Variants in UNC5C observed in about 807,000 individuals in gnomAD.
UNC5C encodes unc-5 netrin receptor C, also known as netrin receptor UNC5C.
UNC5C carries 47 observed loss-of-function variants against 99.8 expected under a neutral mutation model. The ratio of observed to expected loss-of-function variants is 0.47; its 90% CI spans 0.37 to 0.60. The LOEUF is 0.60. Among genes scored for constraint, UNC5C ranks in the 20% least tolerant of loss-of-function variants. The probability of loss-of-function intolerance (pLI) is 0.00; values close to 1 mark genes in which losing one functional copy is unlikely to be tolerated. For synonymous variants in UNC5C, 487 were observed against 452.2 expected (o/e 1.08, Z -0.98); for missense variants, 1,062 against 1,165.9 (o/e 0.91, Z 1.30).
intron 1 of UNC5C, among the ~76,000 whole-genome samples, chr4:95,474,547 CA>C (rs1363069043): frequency 2.0e-5 from 3 of 152,076 alleles, no homozygotes; most frequent in Non-Finnish European, 4.4e-5. Context: ...CTCGGCCTCC[CA>C]AAGTGCTAGG....
chr4:95,411,573 C>G (rs919872214), intron 1 of UNC5C, among the ~76,000 whole-genome samples: 2 of 152,064 alleles, frequency 1.3e-5, no homozygotes, highest in Non-Finnish European at 2.9e-5. Flanking sequence ...TGTATCCAAC[C>G]GTAAATCTGC....
intron 2 of UNC5C, among the ~76,000 whole-genome samples, chr4:95,332,247 G>C (rs567476849): frequency 0.038 from 5,760 of 151,716 alleles, 153 homozygotes; most frequent in Non-Finnish European, 0.056. Context: ...AACCAAAAAA[G>C]AGCCCGCATC....
intron 1 of UNC5C, among the ~76,000 whole-genome samples, chr4:95,450,643 G>A (rs568008276): frequency 7.2e-5 from 11 of 152,136 alleles, no homozygotes; most frequent in Non-Finnish European, 1.3e-4. Context: ...TCTATTATTA[G>A]TAATGCTGCT....
chr4:95,333,411 G>A (rs1743201615), intron 2 of UNC5C, among the ~76,000 whole-genome samples: 1 of 152,128 alleles, frequency 6.6e-6, no homozygotes, highest in South Asian at 2.1e-4. Flanking sequence ...ATGAGTTCAT[G>A]TCATTTGTAG....
At chr4:95,171,794 G>A (rs1579194540) in intron 14 of UNC5C, among the ~76,000 whole-genome samples, 1 of 151,886 alleles carries the variant, frequency 6.6e-6, no homozygotes, top group East Asian at 2.0e-4. Context: ...TCTAGTTCTA[G>A]ATCCCTGAGG....
chr4:95,433,261 G>A (rs1746682479), intron 1 of UNC5C, among the ~76,000 whole-genome samples: 2 of 152,072 alleles, frequency 1.3e-5, no homozygotes, highest in African/African-American at 2.4e-5. Context: ...TTAAAGTGAT[G>A]AGATATGCTT....
intron 1 of UNC5C, among the ~76,000 whole-genome samples, chr4:95,464,824 T>C (rs935226206): frequency 1.3e-5 from 2 of 152,218 alleles, no homozygotes; most frequent in Admixed American, 1.3e-4. Flanking sequence ...TTTGAAACTT[T>C]ATGAAAAATC....
chr4:95,395,464 G>T (rs1579381591), intron 1 of UNC5C, among the ~76,000 whole-genome samples: 1 of 152,216 alleles, frequency 6.6e-6, no homozygotes, highest in South Asian at 2.1e-4. Flanking sequence ...ATTTGTCCAG[G>T]TTAAATCTAT....
chr4:95,332,280 A>G (rs1201162211), intron 2 of UNC5C, among the ~76,000 whole-genome samples: 1 of 151,282 alleles, frequency 6.6e-6, no homozygotes, highest in Non-Finnish European at 1.5e-5. Flanking sequence ...CTAAGCCAAA[A>G]GAACAAAGCT....
rs1445251840 is a variant in UNC5C at position 95,404,920 on chromosome 4, CAGTTGAAGAGG to C, written c.125-69300_125-69290del. Among the ~76,000 whole-genome samples, 15 of 152,202 alleles carry C rather than the reference CAGTTGAAGAGG, an allele frequency of 9.9e-5. No homozygotes were observed. In the East Asian group the frequency reaches 2.5e-3, roughly 26 times the overall value. Reference sequence around the variant, plus strand: ...ACGCCGAGAGGAGTCTGGCTGGGGGCAGTTGAAGAGGAGTTTAGCCAGTGGGAGGCCCGACT... The same window carrying C: ...ACGCCGAGAGGAGTCTGGCTGGGGGCAGTTTAGCCAGTGGGAGGCCCGACT... On this transcript the variant is annotated intron_variant, in intron 1 of 15. Transcript: ENST00000453304.
intron 1 of UNC5C, among the ~76,000 whole-genome samples, chr4:95,477,167 T>C (rs752469935): frequency 2.0e-4 from 30 of 152,090 alleles, no homozygotes; most frequent in Non-Finnish European, 4.1e-4. Flanking sequence ...AGATTTTGCC[T>C]ACTGGCTATG....
intron 1 of UNC5C, among the ~76,000 whole-genome samples, chr4:95,469,899 GT>G (rs1747915273): frequency 1.3e-5 from 2 of 152,134 alleles, no homozygotes; most frequent in African/African-American, 2.4e-5. Context: ...ATCAAAGAGT[GT>G]TTTTAGTGGA....
rs544721361 is a variant in UNC5C, at chr4:95,437,962, C to T, written c.125-102331G>A. ...AAGGCAGAGCTGCAGGTAAACTTTG[C>T]ACATTCATGCTTCTAAATTCATTAA... On this transcript the variant is annotated intron_variant, in intron 1 of 15. Coordinates refer to ENST00000453304, the MANE Select transcript of UNC5C (RefSeq NM_003728.4). Among the ~76,000 whole-genome samples the T allele has an allele frequency of 7.2e-5, 11 of 152,178 alleles. No homozygotes were observed. The South Asian group carries it at 2.3e-3, about 32-fold the overall frequency.
chr4:95,345,193 A>G (rs966150606), intron 1 of UNC5C, among the ~76,000 whole-genome samples: 1 of 152,060 alleles, frequency 6.6e-6, no homozygotes, highest in Non-Finnish European at 1.5e-5. Context: ...AAACCAAAAA[A>G]GAGCAGGAAT....
intron 1 of UNC5C, among the ~76,000 whole-genome samples, chr4:95,382,982 C>A (rs10461172): frequency 2.0e-5 from 3 of 151,964 alleles, no homozygotes; most frequent in Non-Finnish European, 4.4e-5. Flanking sequence ...TTAACTTAAC[C>A]GCAGATACAC....
At chr4:95,285,709 C>T (rs10032274) in intron 3 of UNC5C, among the ~76,000 whole-genome samples, 100,151 of 152,046 alleles carry the variant, frequency 0.66, 33,953 homozygotes, top group African/African-American at 0.83. Context: ...GATTAAAACC[C>T]AGCATTAAAA....
chr4:95,281,993 A>G (rs1741076092), intron 3 of UNC5C, among the ~76,000 whole-genome samples: 1 of 152,184 alleles, frequency 6.6e-6, no homozygotes, highest in Admixed American at 6.5e-5. Flanking sequence ...ATGTCCCCTA[A>G]GGGGAAAAGT....
chr4:95,525,248 T>C (rs1722466614), intron 1 of UNC5C, among the ~76,000 whole-genome samples: 1 of 152,172 alleles, frequency 6.6e-6, no homozygotes, highest in Non-Finnish European at 1.5e-5. Flanking sequence ...TCAAGTTTAT[T>C]CTTCTGCCTA....
intron 2 of UNC5C, among the ~76,000 whole-genome samples, chr4:95,314,335 G>C (rs1342400414): frequency 6.6e-6 from 1 of 152,136 alleles, no homozygotes; most frequent in African/African-American, 2.4e-5. Context: ...TTGCCTTTAA[G>C]TTTCTTCTCC....
Sources: allele counts gnomAD v4.1 joint callset (sites outside exome capture counted in the v4.1 genomes callset), GRCh38; gene constraint gnomAD v4.1.1; transcripts MANE v1.5; gene names NCBI Gene and HGNC (gene_info 2026-07-23, HGNC 2026-07-21).